The following WFDC3 variants were observed in gnomAD, a reference collection of about 807,000 sequenced individuals.
WFDC3 encodes WAP four-disulfide core domain protein 3.
In WFDC3, 15 loss-of-function variants were observed where a neutral mutation model predicts 25.8. The ratio of observed to expected loss-of-function variants is 0.58; its 90% CI spans 0.39 to 0.89. The LOEUF is 0.89. Among genes scored for constraint, WFDC3 ranks in the 40% least tolerant of loss-of-function variants. The pLI is 0.00. For missense variants in WFDC3, 264 were observed against 289.8 expected (o/e 0.91, Z 0.65); for synonymous variants, 103 against 107.1 (o/e 0.96, Z 0.24).
intron 5 of WFDC3, among the ~76,000 whole-genome samples, chr20:45,775,993 T>A (rs755827289): frequency 2.3e-4 from 35 of 152,196 alleles, no homozygotes; most frequent in Non-Finnish European, 4.0e-4. Flanking sequence ...AGGTTTGATG[T>A]CCCTGCTTTG....
chr20:45,783,475 C>T (rs1980538780), intron 4 of WFDC3, among the ~76,000 whole-genome samples: 1 of 151,776 alleles, frequency 6.6e-6, no homozygotes, highest in Non-Finnish European at 1.5e-5. Context: ...GAGACCTTGT[C>T]CCAGATAAAT....
At position 45,776,276 on chromosome 20, in the gene WFDC3, CTCTGTG is replaced by C. The variant is rs1330514069; in HGVS notation, c.494-680_494-675del. On this transcript the variant is annotated intron_variant, in intron 5 of 6. Coordinates refer to ENST00000243938, the MANE Select transcript of WFDC3 (RefSeq NM_080614.2). The stretch of plus-strand genomic sequence containing the variant: ...GGCATTGGAACAGGAATGCTTTTAT[CTCTGTG>C]TGTGTGTGTGTGTGTGTGTGTGTGT... 4.4e-5 allele frequency among the ~76,000 whole-genome samples: 3 copies of C among 68,384 alleles called. No individual in the cohort carries two copies. The Admixed American group carries it at 5.2e-4, about 12-fold the overall frequency. 44.9% of individuals were successfully genotyped at this position (68,384 alleles called of 152,430 possible).
At chr20:45,783,125 C>A (rs73122739) in intron 4 of WFDC3, among the ~76,000 whole-genome samples, 6,731 of 152,258 alleles carry the variant, frequency 0.044, 150 homozygotes, top group Middle Eastern at 0.099. Flanking sequence ...CTCACCACTG[C>A]AGACCCACAT....
intron 3 of WFDC3, 65 bp downstream of exon 3, chr20:45,788,866 C>T (rs1473701423): frequency 1.9e-6 from 3 of 1,539,998 alleles, no homozygotes; most frequent in Non-Finnish European, 2.6e-6. Flanking sequence ...AAGCTCTCTA[C>T]TTCCATCTAT....
intron 5 of WFDC3, among the ~76,000 whole-genome samples, chr20:45,776,652 A>ATGTGTG (rs1980194311): frequency 9.2e-6 from 1 of 109,268 alleles, no homozygotes; most frequent in African/African-American, 3.8e-5. Context: ...ATATATATAT[A>ATGTGTG]TATATATATG....
intron 5 of WFDC3, among the ~76,000 whole-genome samples, chr20:45,775,969 T>C (rs1980125471): frequency 6.6e-6 from 1 of 152,206 alleles, no homozygotes; most frequent in Non-Finnish European, 1.5e-5. Flanking sequence ...TGGCCTCCTC[T>C]GCCACCCTAG....
intron 2 of WFDC3, 145 bp downstream of exon 2, chr20:45,789,749 G>T (rs1164575157): frequency 1.3e-5 from 9 of 669,236 alleles, no homozygotes; most frequent in East Asian, 5.5e-5. Context: ...GCCATCCTGA[G>T]AATCTATTCA....
At chr20:45,790,956 CT>C (rs1568702741) in intron 1 of WFDC3, 1 of 469,974 alleles carries the variant, frequency 2.1e-6, no homozygotes. Flanking sequence ...TTCTCCATTT[CT>C]TTTTTTCTTT....
At chr20:45,789,414 G>A (rs985784205) in intron 2 of WFDC3, among the ~76,000 whole-genome samples, 1 of 151,026 alleles carries the variant, frequency 6.6e-6, no homozygotes, top group Non-Finnish European at 1.5e-5. Flanking sequence ...GCTGAGGCAG[G>A]AGAATGGCGT....
In WFDC3 at chr20:45,774,462, A is replaced by C; in HGVS notation, c.680-18T>G. On this transcript the variant is annotated intron_variant, in intron 6 of 6. Coordinates refer to ENST00000243938, the MANE Select transcript of WFDC3 (RefSeq NM_080614.2). ...CGGGATCTCTGCAAGTAGAAGAAAC[A>C]TCAAGTCACAGCTGTGCCCTCCTGG... 2 of 1,614,076 alleles carry C rather than the reference A, an allele frequency of 1.2e-6. No individual in the cohort carries two copies. The highest frequency in any genetic ancestry group is 1.7e-6 in the Non-Finnish European group (2 of 1,179,976).
At chr20:45,788,910 T>C in intron 3 of WFDC3, 21 bp downstream of exon 3, 1 of 1,597,030 alleles carries the variant, frequency 6.3e-7, no homozygotes, top group Non-Finnish European at 8.5e-7. Context: ...TGCCCAGATT[T>C]TGCCCCTCAT....
At chr20:45,788,780 G>A in intron 3 of WFDC3, 151 bp downstream of exon 3, 1 of 1,051,948 alleles carries the variant, frequency 9.5e-7, no homozygotes. Context: ...AATAATTAAA[G>A]GAGGAGGGAC....
In WFDC3 at chr20:45,776,612, AGAAAAAAAAGAAAAAAAAAAAAAAT is replaced by A. The variant is rs1309963167; in HGVS notation, c.493+438_493+462del. Among the ~76,000 whole-genome samples, 5 of 53,966 alleles carry A rather than the reference AGAAAAAAAAGAAAAAAAAAAAAAAT, an allele frequency of 9.3e-5. No individual in the cohort carries two copies. In the East Asian group the frequency reaches 1.7e-3, roughly 18 times the overall value. The allele number at this position is 53,966 out of a possible 152,430, so 35.4% of individuals were successfully genotyped here. On this transcript the variant is annotated intron_variant, in intron 5 of 6. Transcript: ENST00000243938. ...GACTCTGTCTCAAAAAAAAAAAAAAAGAAAAAAAAGAAAAAAAAAAAAAATATATATATATATATATATATATATG... is the reference window on the plus strand; with the variant it reads ...GACTCTGTCTCAAAAAAAAAAAAAAAATATATATATATATATATATATATG...
At chr20:45,777,268 T>G in intron 4 of WFDC3, 59 bp from the exon 5 acceptor site, 1 of 1,385,818 alleles carries the variant, frequency 7.2e-7, no homozygotes, top group Non-Finnish European at 9.4e-7. Flanking sequence ...CATTTTTCAT[T>G]GTGTCCCATG....
In WFDC3 at chr20:45,774,345, A is replaced by G; in HGVS notation, c.*83T>C. On this transcript the variant is annotated 3_prime_UTR_variant, in exon 7 of 7. Transcript: ENST00000243938. ...GGCCATGAGTGCCCCTGGAAATGTC[A>G]CAAGCCCCAGGATGTCACCCTCTCT... 6.3e-7 allele frequency: 1 copy of G among 1,595,754 alleles called. No homozygotes were observed. The highest frequency in any genetic ancestry group is 8.6e-7 in the Non-Finnish European group (1 of 1,163,568).
chr20:45,783,042 G>C (rs1980517440), intron 4 of WFDC3, among the ~76,000 whole-genome samples: 1 of 141,552 alleles, frequency 7.1e-6, no homozygotes, highest in Admixed American at 7.6e-5. Context: ...TTATGTATTT[G>C]TTTTCTTGAT....
rs553240957 is a variant in WFDC3, at chr20:45,786,599, C to T, written c.358+1237G>A. On this transcript the variant is annotated intron_variant, in intron 4 of 6. Transcript: ENST00000243938. ...TATTTTCCACAATATACCAGGAGCC[C>T]GTCACTGGATCTCGCAAACAGTACA... Among the ~76,000 whole-genome samples, 8 of 152,184 alleles carry T rather than the reference C, an allele frequency of 5.3e-5. No homozygotes were observed. The South Asian group carries it at 8.3e-4, about 16-fold the overall frequency.
Position 45,791,822 on chromosome 20 carries a change from C to A in WFDC3, c.-8+10G>T. 2.5e-6 allele frequency: 1 copy of A among 407,840 alleles called. No individual in the cohort carries two copies. Among genetic ancestry groups the A allele is most frequent in the Non-Finnish European group, 4.2e-6 (1 of 236,712 alleles). The allele number at this position is 407,840 out of a possible 1,614,324, so 25.3% of individuals were successfully genotyped here. ...CCTCCCGAGAGGAAGCCCCAACGAC[C>A]TCCACCTACAAGGCCTCTAAGTGTA... On this transcript the variant is annotated intron_variant, in intron 1 of 6. Coordinates refer to ENST00000243938, the MANE Select transcript of WFDC3 (RefSeq NM_080614.2).
At chr20:45,776,987 T>A in intron 5 of WFDC3, 88 bp downstream of exon 5, 1 of 1,600,570 alleles carries the variant, frequency 6.2e-7, no homozygotes, top group Admixed American at 1.7e-5. Context: ...ACAGGAAGGA[T>A]GAGAATCCTA....
Sources: gnomAD v4.1 joint callset for allele counts (sites outside exome capture counted in the v4.1 genomes callset) on GRCh38, gnomAD v4.1.1 for gene constraint, MANE v1.5 for transcripts, NCBI Gene and HGNC (gene_info 2026-07-23, HGNC 2026-07-21) for gene names.